TSPAN5: variants seen among roughly 807,000 people sequenced by gnomAD.
TSPAN5 encodes tetraspanin 5.
A neutral mutation model predicts 37.1 loss-of-function variants in TSPAN5; 10 were observed. The ratio of observed to expected loss-of-function variants is 0.27; its 90% CI spans 0.17 to 0.46. The LOEUF is 0.46. Among genes scored for constraint, TSPAN5 ranks in the 20% least tolerant of loss-of-function variants. The pLI, the probability that TSPAN5 is intolerant of heterozygous loss-of-function variation, is 1.00. For synonymous variants in TSPAN5, 110 were observed against 118.9 expected (o/e 0.93, Z 0.48); for missense variants, 195 against 326.6 (o/e 0.60, Z 3.11).
intron 3 of TSPAN5, 118 bp downstream of exon 3, chr4:98,486,620 G>A: frequency 2.7e-6 from 3 of 1,124,284 alleles, no homozygotes; most frequent in South Asian, 2.6e-5. Flanking sequence ...AATGACCTGG[G>A]CCCTACTTTG....
In TSPAN5 at chr4:98,526,692, G is replaced by C. The variant is rs140999792; in HGVS notation, c.82-18964C>G. The stretch of plus-strand genomic sequence containing the variant: ...CCAAGATGAGGGAAGATTTCATGAG[G>C]GGGTACAGGTCTCAAGGGGGGTGGA... On this transcript the variant is annotated intron_variant, in intron 1 of 7. Coordinates refer to ENST00000305798, the MANE Select transcript of TSPAN5 (RefSeq NM_005723.4). Among the ~76,000 whole-genome samples the C allele has an allele frequency of 4.8e-3, 730 of 150,674 alleles. 5 individuals carry two copies. The highest frequency in any genetic ancestry group is 0.014 in the Middle Eastern group (4 of 294).
chr4:98,550,324 C>G (rs1754582507), intron 1 of TSPAN5, among the ~76,000 whole-genome samples: 1 of 152,068 alleles, frequency 6.6e-6, no homozygotes, highest in Admixed American at 6.6e-5. Flanking sequence ...CGTGACGCCT[C>G]TAGATTTTTT....
intron 1 of TSPAN5, among the ~76,000 whole-genome samples, chr4:98,564,739 G>C (rs1427895716): frequency 6.6e-6 from 1 of 151,482 alleles, no homozygotes; most frequent in East Asian, 1.9e-4. Context: ...CTGTCACCCA[G>C]GCTGGAGTGC....
intron 1 of TSPAN5, among the ~76,000 whole-genome samples, chr4:98,591,429 CTATT>C (rs1415137783): frequency 9.8e-6 from 1 of 101,780 alleles, no homozygotes; most frequent in Non-Finnish European, 1.9e-5. Context: ...ATACTAAATA[CTATT>C]TATTTGACAA....
At chr4:98,528,339 T>A (rs1754008036) in intron 1 of TSPAN5, among the ~76,000 whole-genome samples, 6 of 151,974 alleles carry the variant, frequency 3.9e-5, no homozygotes. Flanking sequence ...CCAAGCAAAT[T>A]TATATATCAA....
At chr4:98,585,319 CT>C (rs576638338) in intron 1 of TSPAN5, among the ~76,000 whole-genome samples, 4,350 of 139,148 alleles carry the variant, frequency 0.031, 105 homozygotes, top group African/African-American at 0.066. Flanking sequence ...CACTCTCTCT[CT>C]TTTTTTTTTG....
intron 5 of TSPAN5, among the ~76,000 whole-genome samples, chr4:98,477,703 C>A (rs1024505999): frequency 6.6e-6 from 1 of 151,366 alleles, no homozygotes; most frequent in African/African-American, 2.4e-5. Flanking sequence ...CACTCTGTCA[C>A]CAGGATGGAG....
intron 1 of TSPAN5, among the ~76,000 whole-genome samples, chr4:98,615,637 G>A (rs935387534): frequency 3.3e-5 from 5 of 152,266 alleles, no homozygotes; most frequent in South Asian, 2.1e-4. Context: ...CCTGGCCAAC[G>A]TGGCGAAACC....
At chr4:98,486,464 A>G (rs1318569362) in intron 3 of TSPAN5, 1 of 393,422 alleles carries the variant, frequency 2.5e-6, no homozygotes, top group Non-Finnish European at 4.6e-6. Flanking sequence ...TTAGTCCTAA[A>G]GATATCTTAG....
intron 1 of TSPAN5, among the ~76,000 whole-genome samples, chr4:98,638,735 G>A (rs1226546409): frequency 2.6e-5 from 4 of 152,122 alleles, no homozygotes; most frequent in Non-Finnish European, 1.5e-5. Flanking sequence ...CTACTCGCAA[G>A]GTAATAAGTT....
chr4:98,579,569 A>C (rs943525706), intron 1 of TSPAN5, among the ~76,000 whole-genome samples: 4 of 152,196 alleles, frequency 2.6e-5, no homozygotes, highest in Non-Finnish European at 2.9e-5. Context: ...CATTTCTTTG[A>C]AATAACATTG....
chr4:98,480,019 T>C (rs891300578), intron 4 of TSPAN5, among the ~76,000 whole-genome samples: 3 of 152,124 alleles, frequency 2.0e-5, no homozygotes, highest in Non-Finnish European at 2.9e-5. Flanking sequence ...ATCCAGTGCA[T>C]TGTTGGCACT....
intron 2 of TSPAN5, among the ~76,000 whole-genome samples, chr4:98,497,764 G>A (rs1753248479): frequency 6.6e-6 from 1 of 152,208 alleles, no homozygotes. Flanking sequence ...GAGTCTAGAG[G>A]GGAGACGGTT....
At chr4:98,486,679 C>A in intron 3 of TSPAN5, 59 bp downstream of exon 3, 1 of 1,601,218 alleles carries the variant, frequency 6.2e-7, no homozygotes, top group Non-Finnish European at 8.6e-7. Flanking sequence ...ATAGGGTGAC[C>A]TCCTGATGGA....
chr4:98,613,152 TTA>T (rs1389979876), intron 1 of TSPAN5, among the ~76,000 whole-genome samples: 2 of 151,402 alleles, frequency 1.3e-5, no homozygotes, highest in African/African-American at 4.9e-5. Flanking sequence ...TTTTTTTTTT[TTA>T]ATTCCACGGG....
intron 2 of TSPAN5, among the ~76,000 whole-genome samples, chr4:98,488,685 C>T (rs1753024416): frequency 6.6e-6 from 1 of 152,102 alleles, no homozygotes; most frequent in Non-Finnish European, 1.5e-5. Context: ...TGAAGGAAAA[C>T]AGAAATACTC....
intron 1 of TSPAN5, among the ~76,000 whole-genome samples, chr4:98,635,165 G>A (rs1186426729): frequency 1.3e-5 from 2 of 152,184 alleles, no homozygotes; most frequent in South Asian, 2.1e-4. Flanking sequence ...TACAGTTAAC[G>A]AAGCACTCTC....
At chr4:98,554,854 G>T (rs10031904) in intron 1 of TSPAN5, among the ~76,000 whole-genome samples, 14,015 of 152,222 alleles carry the variant, frequency 0.092, 1,132 homozygotes, top group African/African-American at 0.22. Flanking sequence ...TGCCAAACAA[G>T]CTTTGAAAAC....
chr4:98,543,443 T>TCTCC (rs1313801123), intron 1 of TSPAN5, among the ~76,000 whole-genome samples: 1 of 149,794 alleles, frequency 6.7e-6, no homozygotes, highest in African/African-American at 2.5e-5. Flanking sequence ...TGAGATGAAG[T>TCTCC]CTCCCTCTGT....
Sources: allele counts gnomAD v4.1 joint callset (sites outside exome capture counted in the v4.1 genomes callset), GRCh38; gene constraint gnomAD v4.1.1; transcripts MANE v1.5; gene names NCBI Gene and HGNC (gene_info 2026-07-23, HGNC 2026-07-21).